Variants in BCR observed in about 807,000 individuals in gnomAD.
BCR encodes the protein breakpoint cluster region protein.
Under a neutral mutation model 138.6 loss-of-function variants are expected in BCR, and 58 were observed. That is an observed-to-expected ratio of 0.42 (90% CI 0.34 to 0.52). The LOEUF is 0.52. BCR is among the 20% of genes least tolerant of loss of function. The pLI is 0.06. For missense variants in BCR, 1,599 were observed against 1,727.2 expected (o/e 0.93, Z 1.32); for synonymous variants, 786 against 730.1 (o/e 1.08, Z -1.23).
At chr22:23,191,986 G>A (rs1249853147) in intron 1 of BCR, among the ~76,000 whole-genome samples, 2 of 152,138 alleles carry the variant, frequency 1.3e-5, no homozygotes, top group African/African-American at 2.4e-5. Flanking sequence ...GCTGTCTTGG[G>A]TTCTAGCTCT....
chr22:23,271,514 GC>G lies in BCR; in HGVS notation c.1861-17del. ...CTGCTTCTGTCATCTGTGTGAACAT[GC>G]GCTTTTCTCTCTGCAGAACCTGAGA... On this transcript the variant is annotated splice_polypyrimidine_tract_variant and intron_variant, in intron 5 of 22. Coordinates refer to ENST00000305877, the MANE Select transcript of BCR (RefSeq NM_004327.4). The G allele has an allele frequency of 6.2e-7, 1 of 1,613,670 alleles. No individual in the cohort carries two copies. The highest frequency in any genetic ancestry group is 1.1e-5 in the South Asian group (1 of 91,078).
intron 8 of BCR, among the ~76,000 whole-genome samples, chr22:23,274,311 C>T (rs1200631435): frequency 1.3e-5 from 2 of 152,268 alleles, no homozygotes; most frequent in African/African-American, 4.8e-5. Flanking sequence ...TCCCCCCCGT[C>T]ACTGATGTAC....
chr22:23,207,681 C>T (rs1421295886), intron 1 of BCR, among the ~76,000 whole-genome samples: 2 of 152,130 alleles, frequency 1.3e-5, no homozygotes, highest in African/African-American at 4.8e-5. Flanking sequence ...GAGGAGAGGC[C>T]TTCTAAGCAG....
intron 1 of BCR, among the ~76,000 whole-genome samples, chr22:23,247,403 T>A (rs2146261439): frequency 6.6e-6 from 1 of 152,320 alleles, no homozygotes; most frequent in South Asian, 2.1e-4. Context: ...TCCTGCCTCC[T>A]CCACCCAAAT....
intron 2 of BCR, among the ~76,000 whole-genome samples, chr22:23,260,086 G>T (rs1189263297): frequency 2.0e-5 from 3 of 152,236 alleles, no homozygotes; most frequent in Non-Finnish European, 2.9e-5. Context: ...GGTACTGGGG[G>T]TTAGGGCTTC....
At chr22:23,305,637 A>G (rs2073947982) in intron 16 of BCR, among the ~76,000 whole-genome samples, 1 of 152,120 alleles carries the variant, frequency 6.6e-6, no homozygotes, top group Non-Finnish European at 1.5e-5. Flanking sequence ...GATGTGCACG[A>G]TAGTTTTCTA....
At chr22:23,264,795 C>G (rs1193216398) in intron 4 of BCR, 1 of 154,616 alleles carries the variant, frequency 6.5e-6, no homozygotes, top group Non-Finnish European at 1.4e-5. Context: ...CCAGCCAGAC[C>G]TCACGCTTGA....
At chr22:23,280,566 AC>A (rs1209702547) in intron 8 of BCR, among the ~76,000 whole-genome samples, 10 of 152,050 alleles carry the variant, frequency 6.6e-5, no homozygotes, top group Admixed American at 6.5e-4. Context: ...CTCAGAACAT[AC>A]CACCAGACTG....
chr22:23,293,907 G>A (rs1003108933), intron 15 of BCR, among the ~76,000 whole-genome samples: 6 of 151,488 alleles, frequency 4.0e-5, no homozygotes, highest in Admixed American at 6.6e-5. Flanking sequence ...CACACGCCTC[G>A]GTGTGAAGCG....
chr22:23,273,523 T>C (rs1221163104), intron 7 of BCR, 111 bp from the exon 8 acceptor site: 3 of 1,437,010 alleles, frequency 2.1e-6, no homozygotes, highest in East Asian at 4.6e-5. Flanking sequence ...GTGGTGACAC[T>C]GAGGGAGCCG....
chr22:23,267,196 G>A (rs148821982), intron 4 of BCR, among the ~76,000 whole-genome samples: 121 of 152,162 alleles, frequency 8.0e-4, no homozygotes, highest in African/African-American at 2.7e-3. Flanking sequence ...TTGTACCAAG[G>A]CTGGGAGGCA....
At chr22:23,284,928 A>G (rs1207141212) in intron 9 of BCR, 105 bp from the exon 10 acceptor site, 6 of 1,313,698 alleles carry the variant, frequency 4.6e-6, no homozygotes, top group Non-Finnish European at 5.3e-6. Flanking sequence ...AGGTCAGGTA[A>G]ACCATGTATG....
intron 7 of BCR, among the ~76,000 whole-genome samples, chr22:23,273,410 T>C (rs1417302146): frequency 2.0e-5 from 3 of 152,212 alleles, no homozygotes; most frequent in Admixed American, 6.5e-5. Flanking sequence ...TTCTTGGCCA[T>C]GTGCATGCAG....
intron 1 of BCR, among the ~76,000 whole-genome samples, chr22:23,194,357 C>G (rs1047451070): frequency 6.6e-6 from 1 of 151,576 alleles, no homozygotes; most frequent in South Asian, 2.1e-4. Flanking sequence ...CTTGTAATTC[C>G]AGCATCTTGG....
At chr22:23,256,107 C>T (rs915774305) in intron 2 of BCR, among the ~76,000 whole-genome samples, 1 of 152,228 alleles carries the variant, frequency 6.6e-6, no homozygotes, top group African/African-American at 2.4e-5. Context: ...CATTTCTGAT[C>T]TTTGGTTTGA....
chr22:23,203,052 G>T (rs1042012828), intron 1 of BCR, among the ~76,000 whole-genome samples: 3 of 152,092 alleles, frequency 2.0e-5, no homozygotes, highest in Non-Finnish European at 2.9e-5. Context: ...TAGAGACAGG[G>T]TCTTGCTGTG....
intron 1 of BCR, among the ~76,000 whole-genome samples, chr22:23,185,739 GTT>G (rs1239723616): frequency 6.7e-6 from 1 of 149,110 alleles, no homozygotes; most frequent in Non-Finnish European, 1.5e-5. Flanking sequence ...TGTTGTTGTT[GTT>G]TTTTTGAGGC....
chr22:23,239,107 C>T (rs2073058989), intron 1 of BCR, among the ~76,000 whole-genome samples: 1 of 152,114 alleles, frequency 6.6e-6, no homozygotes, highest in Admixed American at 6.6e-5. Flanking sequence ...GTTTCCTTAT[C>T]TGCATGGAAG....
intron 1 of BCR, among the ~76,000 whole-genome samples, chr22:23,247,282 C>T (rs947796199): frequency 2.0e-5 from 3 of 152,160 alleles, no homozygotes; most frequent in Non-Finnish European, 1.5e-5. Context: ...GCCGAGCCAC[C>T]GGATGTTTGA....
Sources: allele counts gnomAD v4.1 joint callset (sites outside exome capture counted in the v4.1 genomes callset), GRCh38; gene constraint gnomAD v4.1.1; transcripts MANE v1.5; gene names NCBI Gene and HGNC (gene_info 2026-07-23, HGNC 2026-07-21).